EML4: variants seen among roughly 807,000 people sequenced by gnomAD.
The protein encoded by EML4 is EMAP like 4.
Under a neutral mutation model 129.0 loss-of-function variants are expected in EML4, and 72 were observed. The ratio of observed to expected loss-of-function variants is 0.56; its 90% confidence interval spans 0.46 to 0.68. The LOEUF (loss-of-function observed/expected upper bound fraction) is 0.68. Among genes scored for constraint, EML4 ranks in the 30% least tolerant of loss-of-function variants. The probability of loss-of-function intolerance (pLI) is 0.00; values close to 1 mark genes in which losing one functional copy is unlikely to be tolerated. For missense variants in EML4, 1,363 were observed against 1,190.6 expected (o/e 1.14, Z -2.13); for synonymous variants, 532 against 405.0 (o/e 1.31, Z -3.77).
intron 1 of EML4, among the ~76,000 whole-genome samples, chr2:42,180,399 G>A (rs1670864184): frequency 6.6e-6 from 1 of 152,134 alleles, no homozygotes; most frequent in Non-Finnish European, 1.5e-5. Flanking sequence ...GTGGATGTTT[G>A]GTTTCTATTG....
chr2:42,279,424 G>A (rs929554495), intron 6 of EML4, among the ~76,000 whole-genome samples: 1 of 150,080 alleles, frequency 6.7e-6, no homozygotes, highest in African/African-American at 2.4e-5. Flanking sequence ...GTGTACAAGG[G>A]TCCCAGTTTC....
intron 2 of EML4, 54 bp from the exon 3 acceptor site, chr2:42,256,447 T>G (rs1676155387): frequency 6.6e-7 from 1 of 1,524,966 alleles, no homozygotes; most frequent in Non-Finnish European, 8.8e-7. Flanking sequence ...AAAATTTAGA[T>G]CTTTAAGGAA....
At chr2:42,239,616 G>C (rs1267337678) in intron 1 of EML4, among the ~76,000 whole-genome samples, 1 of 151,970 alleles carries the variant, frequency 6.6e-6, no homozygotes, top group Non-Finnish European at 1.5e-5. Flanking sequence ...AAATGCTTGA[G>C]AATTCATTTG....
At chr2:42,228,100 A>G (rs1674093611) in intron 1 of EML4, among the ~76,000 whole-genome samples, 1 of 152,114 alleles carries the variant, frequency 6.6e-6, no homozygotes, top group Admixed American at 6.5e-5. Context: ...ACGCACCTAT[A>G]ATCCCAGCTA....
chr2:42,263,043 C>G (rs1665832534), intron 4 of EML4, 135 bp from the exon 5 acceptor site: 1 of 699,090 alleles, frequency 1.4e-6, no homozygotes, highest in Non-Finnish European at 2.3e-6. Flanking sequence ...TCCAGGCAGT[C>G]TTTCAACTAA....
At chr2:42,218,121 G>A (rs972459976) in intron 1 of EML4, among the ~76,000 whole-genome samples, 4 of 152,106 alleles carry the variant, frequency 2.6e-5, no homozygotes, top group South Asian at 2.1e-4. Context: ...ATTTGCAGCC[G>A]CTCCTCATCA....
At chr2:42,264,312 T>C (rs1442077559) in intron 5 of EML4, among the ~76,000 whole-genome samples, 1 of 151,928 alleles carries the variant, frequency 6.6e-6, no homozygotes, top group Non-Finnish European at 1.5e-5. Context: ...AAGACAGGGT[T>C]TTGCCATGTT....
intron 1 of EML4, among the ~76,000 whole-genome samples, chr2:42,225,494 G>A (rs1673901261): frequency 6.6e-6 from 1 of 152,148 alleles, no homozygotes; most frequent in African/African-American, 2.4e-5. Flanking sequence ...TGTAGGCCAA[G>A]TATATTTTCA....
intron 10 of EML4, among the ~76,000 whole-genome samples, chr2:42,286,976 T>A (rs1309712424): frequency 2.6e-5 from 4 of 152,212 alleles, no homozygotes; most frequent in Admixed American, 6.5e-5. Context: ...ATTTAAACAT[T>A]CTGGTTTTTT....
intron 1 of EML4, among the ~76,000 whole-genome samples, chr2:42,200,166 A>C (rs1672137912): frequency 6.6e-6 from 1 of 151,224 alleles, no homozygotes; most frequent in African/African-American, 2.4e-5. Context: ...AAAAAAAAAA[A>C]AAAAAAAAAT....
chr2:42,245,803 T>G, intron 2 of EML4, 116 bp downstream of exon 2: 1 of 1,023,764 alleles, frequency 9.8e-7, no homozygotes, highest in South Asian at 2.3e-5. Context: ...TATAGTTTGT[T>G]TTCCATTTCG....
chr2:42,297,472 G>A (rs1163690289), intron 13 of EML4, among the ~76,000 whole-genome samples: 1 of 152,180 alleles, frequency 6.6e-6, no homozygotes, highest in Non-Finnish European at 1.5e-5. Flanking sequence ...TGCACAAACA[G>A]GAAACAGGAA....
intron 17 of EML4, among the ~76,000 whole-genome samples, chr2:42,309,956 T>C (rs1016817172): frequency 3.3e-5 from 5 of 152,254 alleles, no homozygotes; most frequent in East Asian, 1.9e-4. Flanking sequence ...AAGAGTTTTA[T>C]AGTTTTAGCT....
At chr2:42,258,392 T>G (rs35344576) in intron 3 of EML4, among the ~76,000 whole-genome samples, 1 of 124,522 alleles carries the variant, frequency 8.0e-6, no homozygotes, top group Non-Finnish European at 1.7e-5. Context: ...TATTTATTTT[T>G]TAAGATATAT....
At chr2:42,256,741 T>G (rs190743980) in intron 3 of EML4, 111 bp downstream of exon 3, 297 of 1,333,232 alleles carry the variant, frequency 2.2e-4, no homozygotes, top group Admixed American at 1.3e-3. Context: ...CAAGTGAGCA[T>G]GTCCTTTGAA....
At chr2:42,254,161 C>T (rs1310839839) in intron 2 of EML4, among the ~76,000 whole-genome samples, 1 of 152,040 alleles carries the variant, frequency 6.6e-6, no homozygotes, top group East Asian at 1.9e-4. Flanking sequence ...GGTAAAAATG[C>T]CTGTAATTGG....
intron 1 of EML4, among the ~76,000 whole-genome samples, chr2:42,226,482 A>ACCCT (rs1673965371): frequency 6.7e-6 from 1 of 150,288 alleles, no homozygotes; most frequent in African/African-American, 2.4e-5. Context: ...ACATGGTGAA[A>ACCCT]CCCTGTCTCT....
In EML4 at chr2:42,189,267, G is replaced by A. The variant is rs562958550; in HGVS notation, c.25+19631G>A. ...GCCTGATTTATAAGAGAGTCTTGCT[G>A]ATTTTTCCTCTTTAATTTTAAATCT... is the stretch of plus-strand genomic sequence containing the variant. On this transcript the variant is annotated intron_variant, in intron 1 of 22. Coordinates refer to ENST00000318522, the MANE Select transcript of EML4 (RefSeq NM_019063.5). Among the ~76,000 whole-genome samples, 7 of 152,308 alleles carry A rather than the reference G, an allele frequency of 4.6e-5. No homozygotes were observed. In the East Asian group the frequency reaches 1.4e-3, roughly 29 times the overall value.
intron 1 of EML4, among the ~76,000 whole-genome samples, chr2:42,244,094 GTTTT>G (rs898798718): frequency 2.7e-4 from 12 of 44,946 alleles, no homozygotes; most frequent in Non-Finnish European, 5.6e-4. Flanking sequence ...TTTTGTTTTT[GTTTT>G]TTGTTTTTTT....
Sources: allele counts gnomAD v4.1 joint callset (sites outside exome capture counted in the v4.1 genomes callset), GRCh38; gene constraint gnomAD v4.1.1; transcripts MANE v1.5; gene names NCBI Gene and HGNC (gene_info 2026-07-23, HGNC 2026-07-21).